Variants in ROR2 observed in about 807,000 individuals in gnomAD.
ROR2 encodes ROR family WNT receptor 2.
In ROR2, 33 loss-of-function variants were observed where a neutral mutation model predicts 74.9. The ratio of observed to expected loss-of-function variants is 0.44; its 90% CI spans 0.33 to 0.59. The LOEUF is 0.59. ROR2 is among the 20% of genes least tolerant of loss of function. ROR2 has a pLI of 0.02. For missense variants in ROR2, 1,216 were observed against 1,313.8 expected, an observed-to-expected ratio of 0.93 and a Z score of 1.15; for synonymous variants, 586 against 558.7, an observed-to-expected ratio of 1.05 and a Z score of -0.69.
At chr9:91,789,963 T>C (rs1161329013) in intron 1 of ROR2, among the ~76,000 whole-genome samples, 1 of 151,904 alleles carries the variant, frequency 6.6e-6, no homozygotes, top group African/African-American at 2.4e-5. Context: ...AAAACACAAA[T>C]AGGTTTAAAA....
Position 91,932,533 on chromosome 9 carries a change from G to A in ROR2, c.97+17334C>T, listed in dbSNP as rs185566834. On this transcript the variant is annotated intron_variant, in intron 1 of 8. Transcript: ENST00000375708. Reference sequence around the variant, plus strand: ...AAAAAAATTAGCTGGGTGTGGTGGCGCATGCCTCTAATCCCAGCTACTTGG... The same window carrying A: ...AAAAAAATTAGCTGGGTGTGGTGGCACATGCCTCTAATCCCAGCTACTTGG... Among the ~76,000 whole-genome samples the A allele has an allele frequency of 8.6e-4, 130 of 152,022 alleles. No homozygotes were observed. The East Asian group carries it at 0.011, about 13-fold the overall frequency.
At chr9:91,924,610 G>T (rs1283939539) in intron 1 of ROR2, among the ~76,000 whole-genome samples, 1 of 152,090 alleles carries the variant, frequency 6.6e-6, no homozygotes, top group Non-Finnish European at 1.5e-5. Flanking sequence ...TGGCTAACAC[G>T]GTGAAACCCC....
intron 1 of ROR2, among the ~76,000 whole-genome samples, chr9:91,818,753 G>C (rs1043519436): frequency 2.6e-5 from 4 of 152,174 alleles, no homozygotes; most frequent in Admixed American, 2.0e-4. Flanking sequence ...AGCAGTCCTG[G>C]AGATGGAAAT....
At chr9:91,929,644 G>A (rs1043594408) in intron 1 of ROR2, among the ~76,000 whole-genome samples, 2 of 152,076 alleles carry the variant, frequency 1.3e-5, no homozygotes, top group Non-Finnish European at 2.9e-5. Context: ...CCATGCAGGT[G>A]GCTCCCAATG....
intron 1 of ROR2, among the ~76,000 whole-genome samples, chr9:91,798,842 C>T (rs917948745): frequency 6.6e-6 from 1 of 152,134 alleles, no homozygotes; most frequent in African/African-American, 2.4e-5. Flanking sequence ...TCTATTGTGA[C>T]TCAGTTCTGT....
intron 1 of ROR2, among the ~76,000 whole-genome samples, chr9:91,776,631 C>A (rs1826428278): frequency 6.6e-6 from 1 of 152,232 alleles, no homozygotes; most frequent in Non-Finnish European, 1.5e-5. Context: ...GAAACCCAGA[C>A]AGAAGCACCT....
intron 1 of ROR2, among the ~76,000 whole-genome samples, chr9:91,849,318 A>C (rs1829027521): frequency 6.6e-6 from 1 of 152,228 alleles, no homozygotes; most frequent in Non-Finnish European, 1.5e-5. Context: ...AGATCAAATA[A>C]AGGGGCCCTG....
intron 1 of ROR2, among the ~76,000 whole-genome samples, chr9:91,887,695 G>C (rs1331559728): frequency 1.3e-5 from 2 of 151,452 alleles, no homozygotes; most frequent in Admixed American, 1.3e-4. Flanking sequence ...AGCTTTTCCA[G>C]TAATTGCTAA....
intron 1 of ROR2, among the ~76,000 whole-genome samples, chr9:91,831,018 T>C (rs1384257175): frequency 2.0e-5 from 3 of 152,216 alleles, no homozygotes; most frequent in East Asian, 1.9e-4. Flanking sequence ...CCCCAGCACT[T>C]TGGGAGGCTG....
chr9:91,853,004 C>T (rs1046452026), intron 1 of ROR2, among the ~76,000 whole-genome samples: 1 of 152,202 alleles, frequency 6.6e-6, no homozygotes, highest in Non-Finnish European at 1.5e-5. Flanking sequence ...GCTGGCGGAG[C>T]GCGAGGTTGT....
At chr9:91,731,510 G>GC (rs1282114899) in intron 6 of ROR2, among the ~76,000 whole-genome samples, 1 of 152,162 alleles carries the variant, frequency 6.6e-6, no homozygotes, top group East Asian at 1.9e-4. Flanking sequence ...GAAGGGCCTG[G>GC]CCCCTCCATC....
intron 2 of ROR2, among the ~76,000 whole-genome samples, chr9:91,772,875 C>T (rs1455858979): frequency 6.6e-6 from 1 of 152,168 alleles, no homozygotes; most frequent in African/African-American, 2.4e-5. Flanking sequence ...TGCTCCACTC[C>T]CAGAAATGGA....
intron 1 of ROR2, among the ~76,000 whole-genome samples, chr9:91,886,397 G>A (rs10992149): frequency 0.29 from 43,328 of 151,980 alleles, 6,500 homozygotes; most frequent in Admixed American, 0.44. Context: ...GTAGACGTCG[G>A]CGTGTGTCTA....
intron 1 of ROR2, among the ~76,000 whole-genome samples, chr9:91,947,696 T>G (rs1043932057): frequency 2.6e-5 from 4 of 152,180 alleles, no homozygotes; most frequent in African/African-American, 9.7e-5. Context: ...AATCAGTATT[T>G]GTCATCAGAG....
At chr9:91,775,662 T>A in intron 2 of ROR2, 79 bp downstream of exon 2, 1 of 1,393,710 alleles carries the variant, frequency 7.2e-7, no homozygotes, top group Non-Finnish European at 1.0e-6. Flanking sequence ...GCGCCTTCCT[T>A]CAGGCAATGG....
intron 4 of ROR2, among the ~76,000 whole-genome samples, chr9:91,746,107 C>T (rs1398296710): frequency 6.6e-6 from 1 of 151,912 alleles, no homozygotes; most frequent in Non-Finnish European, 1.5e-5. Flanking sequence ...CATGGAGTCT[C>T]GCTCTGTTGG....
chr9:91,911,981 A>T (rs1300841019), intron 1 of ROR2, among the ~76,000 whole-genome samples: 1 of 151,440 alleles, frequency 6.6e-6, no homozygotes, highest in Non-Finnish European at 1.5e-5. Flanking sequence ...AAGGACATTC[A>T]ACAAAATTTA....
chr9:91,731,686 G>A (rs748983030), intron 6 of ROR2, among the ~76,000 whole-genome samples: 2 of 152,156 alleles, frequency 1.3e-5, no homozygotes, highest in South Asian at 2.1e-4. Flanking sequence ...CTAACAAGGC[G>A]GGTGGATCAC....
chr9:91,730,772 TG>T, intron 7 of ROR2, 137 bp downstream of exon 7: 1 of 1,172,904 alleles, frequency 8.5e-7, no homozygotes, highest in Non-Finnish European at 1.2e-6. Context: ...TTATTTAAAA[TG>T]GTCACTGTGG....
Sources: allele counts gnomAD v4.1 joint callset (sites outside exome capture counted in the v4.1 genomes callset), GRCh38; gene constraint gnomAD v4.1.1; transcripts MANE v1.5; gene names NCBI Gene and HGNC (gene_info 2026-07-23, HGNC 2026-07-21).